SYT16: variants seen among roughly 807,000 people sequenced by gnomAD.
SYT16 encodes synaptotagmin 16.
Under a neutral mutation model 61.4 loss-of-function variants are expected in SYT16, and 42 were observed. That is an observed-to-expected ratio of 0.68 (90% confidence interval 0.53 to 0.89). SYT16 has a LOEUF of 0.89. SYT16 is among the 40% of genes least tolerant of loss of function. The pLI is 0.00. For missense variants in SYT16, 804 were observed against 807.3 expected (o/e 1.00, Z 0.05); for synonymous variants, 314 against 302.3 (o/e 1.04, Z -0.40).
At chr14:62,001,810 A>G (rs1176666835) in intron 3 of SYT16, among the ~76,000 whole-genome samples, 1 of 151,998 alleles carries the variant, frequency 6.6e-6, no homozygotes, top group Non-Finnish European at 1.5e-5. Flanking sequence ...CAGCTTGGGT[A>G]GTACCTACTA....
At chr14:61,858,249 T>C (rs955137873) in intron 1 of SYT16, among the ~76,000 whole-genome samples, 2 of 151,800 alleles carry the variant, frequency 1.3e-5, no homozygotes, top group African/African-American at 4.8e-5. Context: ...AATCAGGGCC[T>C]TCCGCATACA....
intron 3 of SYT16, among the ~76,000 whole-genome samples, chr14:62,029,222 C>T (rs574243499): frequency 1.3e-5 from 2 of 152,128 alleles, no homozygotes; most frequent in African/African-American, 2.4e-5. Context: ...TCTGCCTCCC[C>T]GGTTCAAGTG....
At chr14:62,088,751 A>C (rs1395487435) in intron 7 of SYT16, among the ~76,000 whole-genome samples, 1 of 152,240 alleles carries the variant, frequency 6.6e-6, no homozygotes, top group Admixed American at 6.5e-5. Context: ...ATATGTGAGA[A>C]AAAATAAAAC....
intron 5 of SYT16, among the ~76,000 whole-genome samples, chr14:62,079,831 C>A (rs2056643546): frequency 6.6e-6 from 1 of 152,114 alleles, no homozygotes; most frequent in African/African-American, 2.4e-5. Context: ...CCAGTAAGGT[C>A]ATCAGATCTG....
chr14:61,952,100 A>G (rs1047277506), intron 1 of SYT16, among the ~76,000 whole-genome samples: 1 of 151,854 alleles, frequency 6.6e-6, no homozygotes, highest in Non-Finnish European at 1.5e-5. Context: ...TAAGTTCAAC[A>G]ATGTTGAACT....
At chr14:62,087,156 G>A (rs148897114) in intron 7 of SYT16, among the ~76,000 whole-genome samples, 1 of 152,216 alleles carries the variant, frequency 6.6e-6, no homozygotes, top group Non-Finnish European at 1.5e-5. Context: ...TTCCCATATG[G>A]AAGAGAACAA....
At chr14:61,909,325 T>C (rs2048840322) in intron 1 of SYT16, among the ~76,000 whole-genome samples, 1 of 152,216 alleles carries the variant, frequency 6.6e-6, no homozygotes, top group Non-Finnish European at 1.5e-5. Flanking sequence ...CTTGGTGGTT[T>C]AGAACAACAG....
At chr14:62,062,300 G>C (rs779344702) in intron 3 of SYT16, among the ~76,000 whole-genome samples, 16 of 152,094 alleles carry the variant, frequency 1.1e-4, no homozygotes, top group Non-Finnish European at 1.9e-4. Context: ...TCTATTTGAG[G>C]GGGGGATGAG....
chr14:61,856,906 C>T (rs985987274), intron 1 of SYT16, among the ~76,000 whole-genome samples: 2 of 152,130 alleles, frequency 1.3e-5, no homozygotes, highest in Middle Eastern at 3.4e-3. Flanking sequence ...AGGAAACACA[C>T]GATATTTAAT....
intron 1 of SYT16, among the ~76,000 whole-genome samples, chr14:61,853,589 C>T (rs1179803952): frequency 6.6e-6 from 1 of 152,204 alleles, no homozygotes; most frequent in African/African-American, 2.4e-5. Context: ...AATCAGGAAA[C>T]AGAACTTCAC....
intron 1 of SYT16, among the ~76,000 whole-genome samples, chr14:61,820,474 T>G (rs1047074434): frequency 3.1e-5 from 4 of 127,234 alleles, no homozygotes; most frequent in African/African-American, 1.2e-4. Context: ...TCAGAGTTTT[T>G]TTTTTTTTTT....
At position 62,088,392 on chromosome 14, in the gene SYT16, G is replaced by A. The variant is rs1369018041; in HGVS notation, c.1624+4007G>A. 2.6e-5 allele frequency among the ~76,000 whole-genome samples: 4 copies of A among 152,136 alleles called. No individual in the cohort carries two copies. The East Asian group carries it at 7.7e-4, about 29-fold the overall frequency. ...CAGTAAGCAAAACTACTCTATAGTG[G>A]AGAAAAAAAGCAAAGGAGTGGTGGT... On this transcript the variant is annotated intron_variant, in intron 7 of 7. Coordinates refer to ENST00000683842, the MANE Select transcript of SYT16 (RefSeq NM_001367656.1).
intron 5 of SYT16, among the ~76,000 whole-genome samples, chr14:62,078,155 C>CTCTCTATATATATATATATA (rs766089633): frequency 5.3e-4 from 72 of 135,976 alleles, no homozygotes; most frequent in African/African-American, 2.0e-3. Context: ...CTCTCTCTCT[C>CTCTCTATATATATATATATA]TATATATATA....
At chr14:61,865,014 C>T (rs1390605565) in intron 1 of SYT16, 2 of 1,413,706 alleles carry the variant, frequency 1.4e-6, no homozygotes, top group South Asian at 1.2e-5. Context: ...CTCTTTGATG[C>T]CCTGAGAGGG....
At chr14:62,097,889 C>T (rs1007356002) in intron 7 of SYT16, among the ~76,000 whole-genome samples, 3 of 152,196 alleles carry the variant, frequency 2.0e-5, no homozygotes, top group Admixed American at 6.5e-5. Flanking sequence ...GGTGACTGGA[C>T]TGAACTTTTT....
chr14:62,053,163 C>G (rs1007254721), intron 3 of SYT16, among the ~76,000 whole-genome samples: 1 of 152,086 alleles, frequency 6.6e-6, no homozygotes, highest in Non-Finnish European at 1.5e-5. Flanking sequence ...TAAGAGAATA[C>G]GTAAATAATC....
intron 1 of SYT16, among the ~76,000 whole-genome samples, chr14:61,849,339 C>T (rs2046539975): frequency 6.6e-6 from 1 of 152,136 alleles, no homozygotes; most frequent in African/African-American, 2.4e-5. Context: ...CTCGCTGGGT[C>T]ATGTGTCCCC....
intron 7 of SYT16, among the ~76,000 whole-genome samples, chr14:62,094,219 T>G (rs2057188228): frequency 6.6e-6 from 1 of 152,180 alleles, no homozygotes. Flanking sequence ...ATTATTCACC[T>G]GAGAAAGTTT....
chr14:62,000,552 T>C (rs564000005), intron 3 of SYT16, among the ~76,000 whole-genome samples: 45 of 152,178 alleles, frequency 3.0e-4, no homozygotes, highest in Admixed American at 2.9e-3. Flanking sequence ...AATATAATTG[T>C]TGATATTGCT....
Sources: gnomAD v4.1 joint callset for allele counts (sites outside exome capture counted in the v4.1 genomes callset) on GRCh38, gnomAD v4.1.1 for gene constraint, MANE v1.5 for transcripts, NCBI Gene and HGNC (gene_info 2026-07-23, HGNC 2026-07-21) for gene names.